The following EEPD1 variants were observed in gnomAD, a reference collection of about 807,000 sequenced individuals.
EEPD1 encodes the protein endonuclease/exonuclease/phosphatase family domain-containing protein 1.
In EEPD1, 17 loss-of-function variants were observed where a neutral mutation model predicts 46.3. That is an observed-to-expected ratio of 0.37 (90% CI 0.25 to 0.55). The LOEUF (loss-of-function observed/expected upper bound fraction) is 0.55, where lower values mean the gene tolerates loss of function less well. EEPD1 is among the 20% of genes least tolerant of loss of function. EEPD1 has a pLI of 0.83. For missense variants in EEPD1, 673 were observed against 745.6 expected (o/e 0.90, Z 1.13); for synonymous variants, 313 against 315.6 (o/e 0.99, Z 0.09).
intron 4 of EEPD1, among the ~76,000 whole-genome samples, chr7:36,283,792 C>T (rs1244786066): frequency 6.6e-6 from 1 of 152,198 alleles, no homozygotes; most frequent in Non-Finnish European, 1.5e-5. Flanking sequence ...TTTGTGGTGG[C>T]TGCTCAGGAG....
intron 4 of EEPD1, among the ~76,000 whole-genome samples, chr7:36,282,072 C>T (rs1562711799): frequency 1.3e-5 from 2 of 152,204 alleles, no homozygotes; most frequent in African/African-American, 4.8e-5. Context: ...TGTAAATCTT[C>T]TGTCTCTGGG....
In EEPD1 at chr7:36,293,818, G is replaced by A. The variant is rs538541517; in HGVS notation, c.1316-3175G>A. ...ATCTCTACTAAAAATACAAAAATTA[G>A]CCAGGCGCAGTGGCACACATCTGTA... On this transcript the variant is annotated intron_variant, in intron 6 of 7. Coordinates refer to ENST00000242108, the MANE Select transcript of EEPD1 (RefSeq NM_030636.3). Among the ~76,000 whole-genome samples, 9 of 152,202 alleles carry A rather than the reference G, an allele frequency of 5.9e-5. No individual in the cohort carries two copies. In the South Asian group the frequency reaches 1.5e-3, roughly 25 times the overall value.
At chr7:36,196,529 A>T (rs1000530907) in intron 2 of EEPD1, among the ~76,000 whole-genome samples, 4 of 152,084 alleles carry the variant, frequency 2.6e-5, no homozygotes, top group Non-Finnish European at 5.9e-5. Context: ...CTCCTGCGTC[A>T]GCCTGCCCAG....
At chr7:36,157,062 A>G (rs916330111) in intron 2 of EEPD1, among the ~76,000 whole-genome samples, 1 of 152,236 alleles carries the variant, frequency 6.6e-6, no homozygotes, top group African/African-American at 2.4e-5. Flanking sequence ...AACTATTTAC[A>G]TAACATTTAC....
intron 4 of EEPD1, among the ~76,000 whole-genome samples, chr7:36,281,696 T>C (rs1787263496): frequency 1.3e-5 from 2 of 152,242 alleles, no homozygotes. Flanking sequence ...GAATTTTCTT[T>C]CATCAGTATC....
At position 36,154,890 on chromosome 7, in the gene EEPD1, A is replaced by G. The variant is rs774191235; in HGVS notation, c.566A>G (p.Asp189Gly). The change falls in exon 2 of 8, where the codon GAC becomes GGC. Residue 189 changes from aspartate to glycine, a missense_variant. Physicochemically the swap from Asp to Gly is moderately conservative, Grantham distance 94. Coordinates refer to ENST00000242108, the MANE Select transcript of EEPD1 (RefSeq NM_030636.3). This position sits in a 1 kb window ranked among gnomAD's most constrained non-coding sequence, Gnocchi z 4.2. ...RMDGINAAFL[D>G]RIRHQVFAER... is the part of the protein sequence containing the mutation. ...GATGGTATCAATGCCGCCTTCCTGG[A>G]CAGGATCCGGCACCAGGTGTTTGCT... The G allele has an allele frequency of 1.9e-6, 3 of 1,614,132 alleles. No individual in the cohort carries two copies. Among genetic ancestry groups the G allele is most frequent in the Non-Finnish European group, 2.5e-6 (3 of 1,180,028 alleles).
chr7:36,272,530 C>G (rs1440601357), intron 3 of EEPD1, among the ~76,000 whole-genome samples: 2 of 140,196 alleles, frequency 1.4e-5, no homozygotes, highest in Non-Finnish European at 3.1e-5. Context: ...TTTGTGCTCC[C>G]TTCGCTTATT....
chr7:36,182,105 T>A (rs1244462175), intron 2 of EEPD1, among the ~76,000 whole-genome samples: 2 of 152,210 alleles, frequency 1.3e-5, no homozygotes, highest in Non-Finnish European at 2.9e-5. Flanking sequence ...AGGTTGTGCA[T>A]CGCAGCGTTG....
rs1264705766 is a variant in EEPD1 at position 36,155,082 on chromosome 7, G to A, written c.758G>A (p.Gly253Asp). The A allele has an allele frequency of 6.3e-7, 1 of 1,587,774 alleles. No homozygotes were observed. Among genetic ancestry groups the A allele is most frequent in the Non-Finnish European group, 8.6e-7 (1 of 1,165,816 alleles). Residue 253 changes from glycine (G) to aspartate (D), a missense_variant, in exon 2 of 8, where the codon GGC becomes GAC. Transcript: ENST00000242108. ...STRPSVEAFG[G>D]TRDGRPVLRL... ...CGGCCGTCCGTGGAGGCCTTTGGAG[G>A]CACAAGGGATGGGAGGCCTGTGCTG...
chr7:36,258,458 G>A (rs1562704375), intron 3 of EEPD1, among the ~76,000 whole-genome samples: 1 of 152,200 alleles, frequency 6.6e-6, no homozygotes, highest in Non-Finnish European at 1.5e-5. Context: ...TCTGTCCCAG[G>A]GAGATGGGAG....
Position 36,297,027 on chromosome 7 carries a change from C to G in EEPD1, c.1350C>G (p.Gly450=), listed in dbSNP as rs1158710022. ...ATGTCATTATCTTAGGGGATTTTGG[C>G]CAAGGGCCAGACAGCAATGACTATG... ...EKDVIILGDF[G]QGPDSNDYDI... Residue 450 remains glycine (G), a synonymous_variant, in exon 7 of 8, where the codon GGC becomes GGG. Transcript: ENST00000242108. 1 of 1,614,060 alleles carries G rather than the reference C, an allele frequency of 6.2e-7. No homozygotes were observed. Among genetic ancestry groups the G allele is most frequent in the Non-Finnish European group, 8.5e-7 (1 of 1,180,030 alleles).
At chr7:36,213,441 GGCCCA>G (rs1248422853) in intron 2 of EEPD1, among the ~76,000 whole-genome samples, 5 of 152,188 alleles carry the variant, frequency 3.3e-5, no homozygotes, top group African/African-American at 1.2e-4. Context: ...TGTAGTTAGA[GGCCCA>G]ACAGATGTTG....
At chr7:36,233,969 AGTGCCTG>A (rs1180511180) in intron 2 of EEPD1, among the ~76,000 whole-genome samples, 1 of 152,118 alleles carries the variant, frequency 6.6e-6, no homozygotes, top group African/African-American at 2.4e-5. Context: ...CCCAGGCTGG[AGTGCCTG>A]GTGTCATCTC....
intron 2 of EEPD1, among the ~76,000 whole-genome samples, chr7:36,215,910 T>C (rs1309624903): frequency 2.0e-5 from 3 of 152,258 alleles, no homozygotes; most frequent in African/African-American, 7.2e-5. Context: ...AGTCTTCCTT[T>C]TTAGCCAAAG....
At chr7:36,173,497 T>TAAA (rs879764843) in intron 2 of EEPD1, among the ~76,000 whole-genome samples, 2 of 141,570 alleles carry the variant, frequency 1.4e-5, no homozygotes. Flanking sequence ...GACTCCGTCT[T>TAAA]AAAAAAAAAA....
Position 36,154,314 on chromosome 7 carries a change from C to T in EEPD1, c.-11C>T. ...GGTGCGGCCTTCCCGGGAGCCTGAT[C>T]CTGGCGGACCATGGGGAGCACCCTG... On this transcript the variant is annotated 5_prime_UTR_variant, in exon 2 of 8. Coordinates refer to ENST00000242108, the MANE Select transcript of EEPD1 (RefSeq NM_030636.3). The surrounding 1 kb of genome is among the most constrained non-coding windows in gnomAD (Gnocchi z 4.2). 1 of 1,602,656 alleles carries T rather than the reference C, an allele frequency of 6.2e-7. No individual in the cohort carries two copies. Among genetic ancestry groups the T allele is most frequent in the Non-Finnish European group, 8.5e-7 (1 of 1,177,438 alleles).
At chr7:36,256,410 T>C (rs1786828954) in intron 3 of EEPD1, among the ~76,000 whole-genome samples, 1 of 152,216 alleles carries the variant, frequency 6.6e-6, no homozygotes, top group African/African-American at 2.4e-5. Flanking sequence ...TGTCTAATAT[T>C]GACAGTGGGA....
Position 36,154,559 on chromosome 7 carries a change from G to A in EEPD1, c.235G>A (p.Asp79Asn). 6.2e-7 allele frequency: 1 copy of A among 1,614,162 alleles called. No homozygotes were observed. Among genetic ancestry groups the A allele is most frequent in the Non-Finnish European group, 8.5e-7 (1 of 1,180,026 alleles). ...EYIGGFKKVE[D>N]LALVSGVGAT... ...TATCGGTGGCTTCAAGAAGGTGGAGGACCTGGCATTGGTCAGTGGTGTAGG... is the reference window on the plus strand; with the variant it reads ...TATCGGTGGCTTCAAGAAGGTGGAGAACCTGGCATTGGTCAGTGGTGTAGG... Residue 79 changes from aspartate (D) to asparagine (N), a missense_variant, in exon 2 of 8, where the codon GAC becomes AAC. Physicochemically the swap from Asp to Asn is conservative, Grantham distance 23 (BLOSUM62 1). Coordinates refer to ENST00000242108, the MANE Select transcript of EEPD1 (RefSeq NM_030636.3). The surrounding 1 kb of genome is among the most constrained non-coding windows in gnomAD (Gnocchi z 4.2).
In EEPD1 at chr7:36,284,689, G is replaced by A. The variant is rs758069836; in HGVS notation, c.1045G>A (p.Ala349Thr). Residue 349 changes from alanine to threonine, a missense_variant, in exon 5 of 8, where the codon GCT (alanine) becomes ACT (threonine). Ala to Thr is a moderately conservative substitution (Grantham distance 58). Coordinates refer to ENST00000242108, the MANE Select transcript of EEPD1 (RefSeq NM_030636.3). ...EKPSSQLQKG[A>T]GYAGFLWDAA... ...TCTGTCTCCCTCTCCGCTGCAGGGA[G>A]CTGGGTATGCAGGATTCCTATGGGA... The A allele has an allele frequency of 3.1e-6, 5 of 1,612,002 alleles. No individual in the cohort carries two copies. In the Admixed American group the frequency reaches 8.4e-5, roughly 27 times the overall value.
Sources: allele counts gnomAD v4.1 joint callset (sites outside exome capture counted in the v4.1 genomes callset), GRCh38; gene constraint gnomAD v4.1.1; non-coding constraint Gnocchi (gnomAD v3.1); transcripts MANE v1.5; gene names NCBI Gene and HGNC (gene_info 2026-07-23, HGNC 2026-07-21).